LARP4B: variants seen among roughly 807,000 people sequenced by gnomAD.
The protein encoded by LARP4B is la-related protein 4B.
In LARP4B, 12 loss-of-function variants were observed where a neutral mutation model predicts 89.8. The observed-to-expected ratio is 0.13, with a 90% confidence interval of 0.09 to 0.22. LARP4B has a LOEUF of 0.22. LARP4B is among the 10% of genes least tolerant of loss of function. The probability of loss-of-function intolerance (pLI) is 1.00; values close to 1 mark genes in which losing one functional copy is unlikely to be tolerated. For synonymous variants in LARP4B, 367 were observed against 363.3 expected (o/e 1.01, Z -0.12); for missense variants, 757 against 947.7 (o/e 0.80, Z 2.64).
At chr10:934,951 A>G (rs185365903), upstream of LARP4B, among the ~76,000 whole-genome samples, 1 of 152,186 alleles carries the variant, frequency 6.6e-6, no homozygotes, top group East Asian at 1.9e-4. Flanking sequence ...CTTCATCACC[A>G]TCCTCCTGCA....
the LARP4B span, among the ~76,000 whole-genome samples, chr10:979,958 G>A: frequency 1.3e-5 from 2 of 152,168 alleles, no homozygotes; most frequent in African/African-American, 2.4e-5. Flanking sequence ...GTGACAGAGC[G>A]AGACTCTGTC....
At chr10:965,130 A>G in the LARP4B span, among the ~76,000 whole-genome samples, 3 of 152,220 alleles carry the variant, frequency 2.0e-5, no homozygotes, top group Non-Finnish European at 2.9e-5. Context: ...CCTGTGGTCC[A>G]CACAGTGCCA....
chr10:936,845 A>G, the LARP4B span, among the ~76,000 whole-genome samples: 5 of 152,230 alleles, frequency 3.3e-5, no homozygotes, highest in Non-Finnish European at 7.3e-5. Flanking sequence ...GAACTGGCCT[A>G]GGCAAATTAG....
In LARP4B at chr10:814,539, T is replaced by C; in HGVS notation, c.1929+203A>G. ...GAAATAAAAGGACTACATGGTGGTC[T>C]GAGAAAGAACTAGAGTAGTTAGTGG... On this transcript the variant is annotated intron_variant, in intron 17 of 17. Coordinates refer to ENST00000316157, the MANE Select transcript of LARP4B (RefSeq NM_015155.3). The surrounding 1 kb of genome is among the most constrained non-coding windows in gnomAD (Gnocchi z 4.4). 8.5e-7 allele frequency: 1 copy of C among 1,177,464 alleles called. No homozygotes were observed. The allele number at this position is 1,177,464 out of a possible 1,614,324, so 72.9% of individuals were successfully genotyped here. A position where few individuals can be genotyped will look rare whatever the true frequency, so the allele number is the denominator to read the frequency against.
chr10:907,466 G>T (rs972763977), intron 1 of LARP4B, among the ~76,000 whole-genome samples: 6 of 152,098 alleles, frequency 3.9e-5, no homozygotes, highest in Non-Finnish European at 8.8e-5. Flanking sequence ...ATGCATACAT[G>T]CATGTCCGTT....
At chr10:857,869 C>T (rs1032329430) in intron 5 of LARP4B, among the ~76,000 whole-genome samples, 1 of 152,180 alleles carries the variant, frequency 6.6e-6, no homozygotes, top group East Asian at 1.9e-4. Context: ...AAAGATGGAT[C>T]CTTTAAATTA....
chr10:891,716 T>C (rs776680156), intron 1 of LARP4B, among the ~76,000 whole-genome samples: 2 of 152,218 alleles, frequency 1.3e-5, no homozygotes, highest in Non-Finnish European at 2.9e-5. Context: ...ATTTGAACAC[T>C]CTGCATCCTA....
intron 1 of LARP4B, among the ~76,000 whole-genome samples, chr10:890,664 T>C (rs1329579460): frequency 6.6e-6 from 1 of 152,188 alleles, no homozygotes; most frequent in Non-Finnish European, 1.5e-5. Context: ...CAATGAAGAA[T>C]CCCTGGAGCA....
the LARP4B span, among the ~76,000 whole-genome samples, chr10:938,585 G>A: frequency 6.6e-6 from 1 of 152,194 alleles, no homozygotes; most frequent in African/African-American, 2.4e-5. Flanking sequence ...CTGTGTAAGA[G>A]AATGTCTTTT....
intron 13 of LARP4B, among the ~76,000 whole-genome samples, chr10:821,191 G>C (rs546070641): frequency 4.6e-5 from 7 of 152,198 alleles, no homozygotes; most frequent in Non-Finnish European, 7.3e-5. Context: ...ATCTGAGACT[G>C]AGCTCCATCA....
chr10:871,897 G>C (rs914753670), intron 3 of LARP4B, among the ~76,000 whole-genome samples: 3 of 152,118 alleles, frequency 2.0e-5, no homozygotes, highest in Non-Finnish European at 4.4e-5. Context: ...GTAAACTCTG[G>C]TCGACAACAA....
In LARP4B at chr10:829,525, C is replaced by T. The variant is rs768714547; in HGVS notation, c.985G>A (p.Val329Met). The T allele has an allele frequency of 2.0e-5, 33 of 1,614,050 alleles. No homozygotes were observed. The highest frequency in any genetic ancestry group is 2.4e-5 in the Non-Finnish European group (28 of 1,180,036). Residue 329 changes from valine (V) to methionine (M), a missense_variant, in exon 11 of 18, where the codon GTG (valine) becomes ATG (methionine). Transcript: ENST00000316157. ...LPKNGFRPLD[V>M]SLYAQQRYAT... ...TAGCGCTGCTGGGCATACAGGCTCA[C>T]GTCCAGGGGTCTAAATCCATTCTTT...
the LARP4B span, among the ~76,000 whole-genome samples, chr10:949,339 C>T: frequency 1.3e-5 from 2 of 148,424 alleles, no homozygotes; most frequent in African/African-American, 2.5e-5. Flanking sequence ...ATCTCCAACC[C>T]GTTTTCCAGG....
chr10:886,973 C>G (rs1835875381), intron 1 of LARP4B, among the ~76,000 whole-genome samples: 1 of 152,062 alleles, frequency 6.6e-6, no homozygotes, highest in Non-Finnish European at 1.5e-5. Flanking sequence ...CCTGTAATCC[C>G]AGCTACTATA....
the LARP4B span, among the ~76,000 whole-genome samples, chr10:965,755 G>C: frequency 1.3e-5 from 2 of 151,526 alleles, no homozygotes; most frequent in African/African-American, 4.9e-5. Flanking sequence ...CACACACTGG[G>C]AGATGCCTGC....
At chr10:901,886 A>T (rs1328075720) in intron 1 of LARP4B, among the ~76,000 whole-genome samples, 1 of 152,232 alleles carries the variant, frequency 6.6e-6, no homozygotes, top group Non-Finnish European at 1.5e-5. Context: ...GGACATAATC[A>T]GACACAAGAT....
intron 1 of LARP4B, among the ~76,000 whole-genome samples, chr10:926,636 A>T (rs1373789838): frequency 6.6e-6 from 1 of 152,240 alleles, no homozygotes; most frequent in East Asian, 1.9e-4. Flanking sequence ...TTATTGGGCA[A>T]ATTTATGCAC....
intron 1 of LARP4B, among the ~76,000 whole-genome samples, chr10:918,281 C>T (rs78875921): frequency 0.012 from 1,794 of 152,228 alleles, 32 homozygotes; most frequent in African/African-American, 0.041. Context: ...TCATGCTTGG[C>T]CCAAATAAAC....
At chr10:843,636 T>A (rs1256474635) in intron 6 of LARP4B, among the ~76,000 whole-genome samples, 1 of 151,490 alleles carries the variant, frequency 6.6e-6, no homozygotes, top group Non-Finnish European at 1.5e-5. Context: ...GAGGTGGAGG[T>A]TACAGTGAGC....
Sources: allele counts gnomAD v4.1 joint callset (sites outside exome capture counted in the v4.1 genomes callset), GRCh38; gene constraint gnomAD v4.1.1; non-coding constraint Gnocchi (gnomAD v3.1); transcripts MANE v1.5; gene names NCBI Gene and HGNC (gene_info 2026-07-23, HGNC 2026-07-21).